KCTD9: variants seen among roughly 807,000 people sequenced by gnomAD.
KCTD9 encodes the protein BTB/POZ domain-containing protein KCTD9.
KCTD9 carries 17 observed loss-of-function variants against 53.3 expected under a neutral mutation model. That is an observed-to-expected ratio of 0.32 (90% CI 0.22 to 0.48). KCTD9 has a LOEUF of 0.48. KCTD9 is among the 20% of genes least tolerant of loss of function. The pLI is 0.99. For synonymous variants in KCTD9, 128 were observed against 162.7 expected (o/e 0.79, Z 1.62); for missense variants, 179 against 465.5 (o/e 0.38, Z 5.66).
At chr8:25,456,582 A>G (rs1301674968) in intron 1 of KCTD9, among the ~76,000 whole-genome samples, 1 of 152,152 alleles carries the variant, frequency 6.6e-6, no homozygotes, top group East Asian at 1.9e-4. Context: ...AAACATATTT[A>G]TATTTAATTA....
chr8:25,441,714 A>G (rs558189929), intron 3 of KCTD9, among the ~76,000 whole-genome samples: 3 of 152,248 alleles, frequency 2.0e-5, no homozygotes, highest in African/African-American at 7.2e-5. Context: ...TTAAAAAGAA[A>G]TGGTCAGACG....
intron 1 of KCTD9, among the ~76,000 whole-genome samples, chr8:25,448,583 C>G (rs1164174858): frequency 6.6e-6 from 1 of 152,192 alleles, no homozygotes; most frequent in Non-Finnish European, 1.5e-5. Flanking sequence ...GCACTTGGCA[C>G]AGTGTCCTAC....
chr8:25,442,872 C>A (rs1802148235), intron 3 of KCTD9, among the ~76,000 whole-genome samples: 1 of 152,026 alleles, frequency 6.6e-6, no homozygotes, highest in Non-Finnish European at 1.5e-5. Context: ...TAGATGTGTT[C>A]TGTATGGGGT....
intron 1 of KCTD9, among the ~76,000 whole-genome samples, 153 bp downstream of exon 1, chr8:25,458,046 G>A (rs1019356966): frequency 6.6e-6 from 1 of 151,786 alleles, no homozygotes; most frequent in South Asian, 2.1e-4. Flanking sequence ...AGGAGGCCGC[G>A]GGGACCCTGT....
chr8:25,450,375 A>C, intron 1 of KCTD9: 1 of 985,318 alleles, frequency 1.0e-6, no homozygotes, highest in South Asian at 4.7e-5. Flanking sequence ...CAAATGGTAC[A>C]TTACCTGGCT....
rs540119716 is a variant in KCTD9 at position 25,445,408 on chromosome 8, A to G, written c.170+721T>C. On this transcript the variant is annotated intron_variant, in intron 2 of 11. Transcript: ENST00000221200. Reference sequence around the variant, plus strand: ...TTATACAGAGACTTTGTATATCATTATAGGTTAAAGCATCATTATCTTCAC... The same window carrying G: ...TTATACAGAGACTTTGTATATCATTGTAGGTTAAAGCATCATTATCTTCAC... Among the ~76,000 whole-genome samples, 478 of 152,160 alleles carry G rather than the reference A, an allele frequency of 3.1e-3. 2 individuals carry two copies. Among genetic ancestry groups the G allele is most frequent in the Non-Finnish European group, 4.6e-3 (316 of 68,014 alleles).
chr8:25,437,996 T>C (rs571774009), intron 6 of KCTD9, among the ~76,000 whole-genome samples: 4 of 152,142 alleles, frequency 2.6e-5, no homozygotes, highest in African/African-American at 9.6e-5. Flanking sequence ...TGTAAAGAGT[T>C]TGGATGGAAA....
chr8:25,449,731 C>G (rs1206467204), intron 1 of KCTD9, among the ~76,000 whole-genome samples: 2 of 152,018 alleles, frequency 1.3e-5, no homozygotes. Flanking sequence ...AAGTGCTCAA[C>G]TGCCACACTG....
chr8:25,458,208 C>T lies in KCTD9; in HGVS notation c.39G>A (p.Lys13=), dbSNP rs1437284340. Residue 13 remains lysine (K), a synonymous_variant, in exon 1 of 12, where the codon AAG becomes AAA. Coordinates refer to ENST00000221200, the MANE Select transcript of KCTD9 (RefSeq NM_017634.4). Reference sequence around the variant, plus strand: ...CTCACGCCCCCGTTACCTTTCCGTTCTTGGGGCTGCCGTTCAGGAACAGGG... The same window carrying T: ...CTCACGCCCCCGTTACCTTTCCGTTTTTGGGGCTGCCGTTCAGGAACAGGG... The part of the protein sequence containing the change: ...RVTLFLNGSP[K]NGKVVAVYGT... The T allele has an allele frequency of 6.8e-7, 1 of 1,477,910 alleles. No homozygotes were observed. Among genetic ancestry groups the T allele is most frequent in the Non-Finnish European group, 9.1e-7 (1 of 1,097,034 alleles). The allele number at this position is 1,477,910 out of a possible 1,614,324, so 91.5% of individuals were successfully genotyped here.
chr8:25,440,414 C>T, intron 4 of KCTD9, 163 bp downstream of exon 4: 1 of 582,280 alleles, frequency 1.7e-6, no homozygotes, highest in East Asian at 2.8e-5. Context: ...TGGAGTGAAC[C>T]ATGTTTTTTT....
intron 11 of KCTD9, 116 bp downstream of exon 11, chr8:25,432,388 G>A (rs1280226702): frequency 4.8e-6 from 4 of 832,842 alleles, no homozygotes; most frequent in South Asian, 1.6e-5. Flanking sequence ...AATGTCAGAT[G>A]AGTCTTCCAA....
chr8:25,442,780 G>T (rs1802146753), intron 3 of KCTD9, among the ~76,000 whole-genome samples: 1 of 152,126 alleles, frequency 6.6e-6, no homozygotes, highest in Non-Finnish European at 1.5e-5. Context: ...GGGGAGAAGG[G>T]ATTTAGCATA....
chr8:25,440,725 G>A (rs765348995), intron 3 of KCTD9, 52 bp from the exon 4 acceptor site: 2 of 1,285,076 alleles, frequency 1.6e-6, no homozygotes, highest in African/African-American at 2.9e-5. Flanking sequence ...GGGATTCTGG[G>A]AAGATGGTAA....
chr8:25,439,847 G>T, intron 4 of KCTD9, 183 bp from the exon 5 acceptor site: 1 of 1,251,726 alleles, frequency 8.0e-7, no homozygotes, highest in Non-Finnish European at 1.1e-6. Context: ...TTCTAATAGG[G>T]TACTTCCTTT....
intron 1 of KCTD9, chr8:25,457,386 G>C: frequency 1.0e-6 from 1 of 985,150 alleles, no homozygotes; most frequent in Non-Finnish European, 1.2e-6. Flanking sequence ...ATTTCCCAAA[G>C]GAGCAGAACA....
chr8:25,458,173 G>GCCC, intron 1 of KCTD9, 26 bp downstream of exon 1: 1 of 581,712 alleles, frequency 1.7e-6, no homozygotes, highest in Non-Finnish European at 2.5e-6. Context: ...CCCCCGGCCC[G>GCCC]CCGCGCCCCC....
chr8:25,439,865 A>C, intron 4 of KCTD9: 1 of 1,122,272 alleles, frequency 8.9e-7, no homozygotes, highest in Non-Finnish European at 1.2e-6. Flanking sequence ...TTTGATTTAA[A>C]CATTGTTTTA....
chr8:25,444,393 C>T, intron 2 of KCTD9, 58 bp from the exon 3 acceptor site: 1 of 1,492,432 alleles, frequency 6.7e-7, no homozygotes, highest in Non-Finnish European at 9.3e-7. Context: ...CATTAATTAT[C>T]TGTTGCTTAT....
intron 9 of KCTD9, among the ~76,000 whole-genome samples, chr8:25,434,677 A>G (rs1801988085): frequency 1.3e-5 from 2 of 152,188 alleles, no homozygotes; most frequent in Admixed American, 6.5e-5. Flanking sequence ...GCTAATGAGT[A>G]AAACCCAAAT....
Sources: gnomAD v4.1 joint callset for allele counts (sites outside exome capture counted in the v4.1 genomes callset) on GRCh38, gnomAD v4.1.1 for gene constraint, MANE v1.5 for transcripts, NCBI Gene and HGNC (gene_info 2026-07-23, HGNC 2026-07-21) for gene names.